PAN3: variants seen among roughly 807,000 people sequenced by gnomAD.
PAN3 encodes the protein poly(A) specific ribonuclease subunit PAN3.
A neutral mutation model predicts 96.2 loss-of-function variants in PAN3; 19 were observed. That is an observed-to-expected ratio of 0.20 (90% confidence interval 0.14 to 0.29). The LOEUF (loss-of-function observed/expected upper bound fraction) is 0.29. Among genes scored for constraint, PAN3 ranks in the 10% least tolerant of loss-of-function variants. The probability of loss-of-function intolerance (pLI) is 1.00; values close to 1 mark genes in which losing one functional copy is unlikely to be tolerated. For synonymous variants in PAN3, 433 were observed against 406.6 expected, an observed-to-expected ratio of 1.06 and a Z score of -0.78; for missense variants, 882 against 1,108.1, an observed-to-expected ratio of 0.80 and a Z score of 2.90.
intron 6 of PAN3, among the ~76,000 whole-genome samples, chr13:28,246,891 T>C (rs898882694): frequency 1.4e-4 from 21 of 152,182 alleles, no homozygotes; most frequent in Admixed American, 1.3e-3. Context: ...CGTGGGAATG[T>C]AGATGTCTCT....
intron 6 of PAN3, among the ~76,000 whole-genome samples, chr13:28,239,201 G>GCACACA (rs561281678): frequency 4.9e-5 from 5 of 101,256 alleles, no homozygotes; most frequent in African/African-American, 1.5e-4. Flanking sequence ...ATGCACACAC[G>GCACACA]CACACACACA....
rs564723521 is a variant in PAN3, at chr13:28,140,002, C to T, written c.430+915C>T. The stretch of plus-strand genomic sequence containing the variant: ...TCGCCCTGTCGCTCAGGCTGGAGTG[C>T]AGTTGCGCGATCTCAGCTCACTGCA... On this transcript the variant is annotated intron_variant, in intron 1 of 18. Transcript: ENST00000380958. Among the ~76,000 whole-genome samples, 27 of 152,242 alleles carry T rather than the reference C, an allele frequency of 1.8e-4. No homozygotes were observed. The South Asian group carries it at 5.4e-3, about 30-fold the overall frequency.
At position 28,154,940 on chromosome 13, in the gene PAN3, C is replaced by T. The variant is rs552148920; in HGVS notation, c.430+15853C>T. Among the ~76,000 whole-genome samples the T allele has an allele frequency of 3.2e-3, 484 of 151,772 alleles. 3 individuals are homozygous for T. The highest frequency in any genetic ancestry group is 0.011 in the African/African-American group (456 of 41,382). On this transcript the variant is annotated intron_variant, in intron 1 of 18. Transcript: ENST00000380958. ...GGTTCACGCCATTCTCCTGCCTCAG[C>T]CTCCCGAGTAGCTGGGAGTACAGTC...
chr13:28,285,574 C>G (rs899095461), intron 17 of PAN3, among the ~76,000 whole-genome samples: 3 of 152,002 alleles, frequency 2.0e-5, no homozygotes, highest in Non-Finnish European at 2.9e-5. Context: ...TCCTTCAGTT[C>G]TGGGACATGG....
At chr13:28,289,122 G>A (rs1041565869) in intron 18 of PAN3, among the ~76,000 whole-genome samples, 39 of 152,068 alleles carry the variant, frequency 2.6e-4, no homozygotes, top group Admixed American at 2.0e-3. Context: ...CACCGCACCC[G>A]GCCTAACTCT....
intron 7 of PAN3, among the ~76,000 whole-genome samples, chr13:28,258,483 T>A (rs1329490990): frequency 6.6e-6 from 1 of 152,180 alleles, no homozygotes; most frequent in Non-Finnish European, 1.5e-5. Context: ...ATTTAGTAAC[T>A]TTATTGTAGT....
At chr13:28,276,648 G>A (rs143771243) in intron 14 of PAN3, among the ~76,000 whole-genome samples, 120 of 152,276 alleles carry the variant, frequency 7.9e-4, no homozygotes, top group African/African-American at 2.6e-3. Flanking sequence ...AGATAGATGG[G>A]ATGTCATTCA....
At chr13:28,160,529 G>C (rs1419008401) in intron 1 of PAN3, among the ~76,000 whole-genome samples, 3 of 152,168 alleles carry the variant, frequency 2.0e-5, no homozygotes, top group Non-Finnish European at 4.4e-5. Context: ...TTGGAAATGT[G>C]AGTTAGGAGA....
intron 1 of PAN3, among the ~76,000 whole-genome samples, chr13:28,152,967 A>G (rs1044950200): frequency 5.9e-5 from 9 of 152,152 alleles, no homozygotes; most frequent in South Asian, 4.1e-4. Flanking sequence ...AGTATTCATT[A>G]AAATTTAAGA....
At chr13:28,180,188 G>T (rs1238848022) in intron 4 of PAN3, among the ~76,000 whole-genome samples, 3 of 152,126 alleles carry the variant, frequency 2.0e-5, no homozygotes, top group African/African-American at 4.8e-5. Flanking sequence ...AGTTGCTGTG[G>T]TGTCCTTCAT....
chr13:28,202,739 T>C (rs1878888835), intron 5 of PAN3, among the ~76,000 whole-genome samples: 1 of 152,172 alleles, frequency 6.6e-6, no homozygotes, highest in South Asian at 2.1e-4. Flanking sequence ...TACTTCATTC[T>C]GTTTTGTATT....
intron 5 of PAN3, chr13:28,215,719 T>C (rs1244839439): frequency 1.3e-5 from 19 of 1,497,752 alleles, no homozygotes; most frequent in Middle Eastern, 2.3e-4. Context: ...ATTGTTGATA[T>C]AGTTCCTGGC....
intron 6 of PAN3, among the ~76,000 whole-genome samples, chr13:28,239,211 A>G (rs1459973052): frequency 1.5e-5 from 2 of 135,552 alleles, no homozygotes; most frequent in African/African-American, 2.7e-5. Flanking sequence ...GCACACACAC[A>G]CACACACACA....
At chr13:28,143,636 T>C (rs193200378) in intron 1 of PAN3, among the ~76,000 whole-genome samples, 15 of 152,360 alleles carry the variant, frequency 9.8e-5, no homozygotes, top group African/African-American at 3.4e-4. Context: ...GGAGATGTTA[T>C]GAAAATTGCA....
intron 1 of PAN3, among the ~76,000 whole-genome samples, chr13:28,151,508 CTG>C (rs1268294600): frequency 6.7e-6 from 1 of 150,260 alleles, no homozygotes; most frequent in East Asian, 2.0e-4. Context: ...GAGCCAGACT[CTG>C]TCTCAAAAAA....
chr13:28,138,703 C>T lies in PAN3; in HGVS notation c.46C>T (p.Pro16Ser), dbSNP rs919570229. ...GLPPPSAAAS[P>S]SSSSLAAAVA... is the part of the protein sequence containing the mutation. The stretch of plus-strand genomic sequence containing the variant: ...CCCGCCCCCCTCGGCCGCCGCCTCC[C>T]CTTCCTCCTCCTCGCTGGCGGCGGC... Residue 16 changes from proline (P) to serine (S), a missense_variant, in exon 1 of 19, where the codon CCT (proline) becomes TCT (serine). Pro to Ser is a moderately conservative substitution (Grantham distance 74). Transcript: ENST00000380958. 7.0e-6 allele frequency: 8 copies of T among 1,139,900 alleles called. No homozygotes were observed. Among genetic ancestry groups the T allele is most frequent in the African/African-American group, 5.0e-5 (3 of 60,418 alleles). The allele number at this position is 1,139,900 out of a possible 1,614,324, so 70.6% of individuals were successfully genotyped here. A position where few individuals can be genotyped will look rare whatever the true frequency, so the allele number is the denominator to read the frequency against.
chr13:28,139,830 C>A (rs960103935), intron 1 of PAN3, among the ~76,000 whole-genome samples: 4 of 152,114 alleles, frequency 2.6e-5, no homozygotes, highest in Non-Finnish European at 4.4e-5. Context: ...TTGTATCAAG[C>A]AAACTCAGCA....
chr13:28,189,025 A>G (rs1201300093), intron 4 of PAN3, among the ~76,000 whole-genome samples: 1 of 152,232 alleles, frequency 6.6e-6, no homozygotes, highest in Non-Finnish European at 1.5e-5. Flanking sequence ...GAGTAAATCA[A>G]GGAATGAAAA....
intron 2 of PAN3, among the ~76,000 whole-genome samples, chr13:28,174,792 C>T (rs1395357734): frequency 6.6e-6 from 1 of 152,138 alleles, no homozygotes; most frequent in Non-Finnish European, 1.5e-5. Context: ...GTTAACCTTC[C>T]TAGAGTTAGC....
Sources: gnomAD v4.1 joint callset for allele counts (sites outside exome capture counted in the v4.1 genomes callset) on GRCh38, gnomAD v4.1.1 for gene constraint, MANE v1.5 for transcripts, NCBI Gene and HGNC (gene_info 2026-07-23, HGNC 2026-07-21) for gene names.